GRIN3A: variants seen among roughly 807,000 people sequenced by gnomAD.
GRIN3A encodes glutamate receptor ionotropic, NMDA 3A.
In GRIN3A, 47 loss-of-function variants were observed where a neutral mutation model predicts 92.4. The ratio of observed to expected loss-of-function variants is 0.51; its 90% CI spans 0.40 to 0.65. The LOEUF (loss-of-function observed/expected upper bound fraction) is 0.65, where lower values mean the gene tolerates loss of function less well. Ranked by LOEUF, GRIN3A falls within the 30% of genes least tolerant of loss-of-function variation. The probability of loss-of-function intolerance (pLI) is 0.00; values close to 1 mark genes in which losing one functional copy is unlikely to be tolerated. For synonymous variants in GRIN3A, 527 were observed against 540.6 expected (o/e 0.97, Z 0.35); for missense variants, 1,324 against 1,393.1 (o/e 0.95, Z 0.79).
At chr9:101,641,489 A>G (rs1778301057) in intron 3 of GRIN3A, among the ~76,000 whole-genome samples, 1 of 152,164 alleles carries the variant, frequency 6.6e-6, no homozygotes, top group South Asian at 2.1e-4. Context: ...AGGGACATGG[A>G]TGAAACTGGA....
intron 4 of GRIN3A, among the ~76,000 whole-genome samples, chr9:101,626,416 G>A (rs59881611): frequency 2.0e-5 from 3 of 152,242 alleles, no homozygotes; most frequent in Non-Finnish European, 2.9e-5. Flanking sequence ...AATGCTAGGG[G>A]TTGTGCCTTG....
At chr9:101,655,432 A>T (rs1374425259) in intron 3 of GRIN3A, among the ~76,000 whole-genome samples, 1 of 151,946 alleles carries the variant, frequency 6.6e-6, no homozygotes, top group African/African-American at 2.4e-5. Context: ...TTGAACAGTA[A>T]TTAAGTGAGC....
chr9:101,732,448 G>C (rs1465322399), intron 1 of GRIN3A, among the ~76,000 whole-genome samples: 1 of 152,190 alleles, frequency 6.6e-6, no homozygotes, highest in Non-Finnish European at 1.5e-5. Context: ...TCTAGAAGCT[G>C]TGTTAGATGT....
rs1218507071 is a variant in GRIN3A at position 101,569,982 on chromosome 9, G to C, written c.*3192C>G. ...GAAGGGAAGCAGCAGCTCTTGATAG[G>C]GTTTGTGCAATAGCAAGATTCATGA... is the stretch of plus-strand genomic sequence containing the variant. On this transcript the variant is annotated 3_prime_UTR_variant, in exon 9 of 9. Coordinates refer to ENST00000361820, the MANE Select transcript of GRIN3A (RefSeq NM_133445.3). 2 of 152,120 alleles carry C rather than the reference G, an allele frequency of 1.3e-5. No individual in the cohort carries two copies. The highest frequency in any genetic ancestry group is 2.9e-5 in the Non-Finnish European group (2 of 68,086). 9.4% of individuals were successfully genotyped at this position (152,120 alleles called of 1,614,324 possible). A position where few individuals can be genotyped will look rare whatever the true frequency, so the allele number is the denominator to read the frequency against.
At chr9:101,598,397 A>AGTTG (rs1828167834) in intron 6 of GRIN3A, among the ~76,000 whole-genome samples, 1 of 152,156 alleles carries the variant, frequency 6.6e-6, no homozygotes, top group Non-Finnish European at 1.5e-5. Context: ...TTATTATCCC[A>AGTTG]ATTGAATTAA....
intron 1 of GRIN3A, among the ~76,000 whole-genome samples, chr9:101,698,485 T>C (rs954940823): frequency 1.3e-5 from 2 of 152,116 alleles, no homozygotes; most frequent in Non-Finnish European, 2.9e-5. Context: ...ATGAACATCA[T>C]AGCGTGCACT....
chr9:101,733,873 AT>A (rs1382641774), intron 1 of GRIN3A, among the ~76,000 whole-genome samples: 13 of 151,922 alleles, frequency 8.6e-5, no homozygotes, highest in Non-Finnish European at 1.5e-4. Flanking sequence ...TAATTAAAAA[AT>A]TTTTTTAAGA....
At chr9:101,651,430 G>A (rs572035552) in intron 3 of GRIN3A, among the ~76,000 whole-genome samples, 97 of 152,014 alleles carry the variant, frequency 6.4e-4, no homozygotes, top group East Asian at 2.3e-3. Context: ...TTAAAGAGTC[G>A]TCAGAGATAC....
intron 1 of GRIN3A, among the ~76,000 whole-genome samples, chr9:101,718,124 C>A (rs1258655731): frequency 2.0e-5 from 3 of 152,142 alleles, no homozygotes; most frequent in Non-Finnish European, 4.4e-5. Flanking sequence ...GAAAGTGGAC[C>A]ATTAATTCAG....
intron 5 of GRIN3A, among the ~76,000 whole-genome samples, chr9:101,615,220 T>G (rs1466738974): frequency 6.6e-6 from 1 of 150,402 alleles, no homozygotes; most frequent in Non-Finnish European, 1.5e-5. Flanking sequence ...AACCCTTTTT[T>G]TTTTTGCCTT....
At chr9:101,675,367 AATATTTAAT>A (rs1253139336) in intron 2 of GRIN3A, among the ~76,000 whole-genome samples, 1 of 152,014 alleles carries the variant, frequency 6.6e-6, no homozygotes, top group African/African-American at 2.4e-5. Flanking sequence ...AAGCAAGATC[AATATTTAAT>A]ATATTTAATA....
chr9:101,632,625 T>C (rs550970846), intron 3 of GRIN3A, among the ~76,000 whole-genome samples: 1 of 152,328 alleles, frequency 6.6e-6, no homozygotes, highest in South Asian at 2.1e-4. Flanking sequence ...CTTTAATTCA[T>C]TCAAAATGAT....
At chr9:101,598,290 C>T (rs1479943053) in intron 6 of GRIN3A, among the ~76,000 whole-genome samples, 3 of 152,104 alleles carry the variant, frequency 2.0e-5, no homozygotes, top group Non-Finnish European at 4.4e-5. Context: ...ATTCCCAGTG[C>T]TCAGTAACTA....
intron 6 of GRIN3A, among the ~76,000 whole-genome samples, chr9:101,608,560 C>A (rs1360234267): frequency 6.6e-6 from 1 of 152,102 alleles, no homozygotes; most frequent in Non-Finnish European, 1.5e-5. Context: ...AGCCCTGTAA[C>A]ATATATGGTG....
intron 3 of GRIN3A, among the ~76,000 whole-genome samples, chr9:101,630,190 GA>G (rs1828692893): frequency 6.6e-6 from 1 of 151,618 alleles, no homozygotes; most frequent in South Asian, 2.1e-4. Flanking sequence ...CAACAACAAT[GA>G]AAAAACTACT....
intron 1 of GRIN3A, among the ~76,000 whole-genome samples, chr9:101,691,235 G>A: frequency 6.6e-6 from 1 of 152,012 alleles, no homozygotes; most frequent in African/African-American, 2.4e-5. Flanking sequence ...CTCCTACCTT[G>A]AGCCATGACC....
chr9:101,669,762 GCTAT>G (rs67639989), intron 3 of GRIN3A, among the ~76,000 whole-genome samples: 50,535 of 151,634 alleles, frequency 0.33, 9,293 homozygotes, highest in Non-Finnish European at 0.41. Context: ...TGATAGGTGT[GCTAT>G]CTATCAGATG....
At chr9:101,688,641 G>A (rs1410836377) in intron 1 of GRIN3A, among the ~76,000 whole-genome samples, 1 of 152,096 alleles carries the variant, frequency 6.6e-6, no homozygotes, top group Non-Finnish European at 1.5e-5. Flanking sequence ...AAAAGGATTG[G>A]CCAGGCACGG....
intron 5 of GRIN3A, among the ~76,000 whole-genome samples, chr9:101,620,229 G>A (rs756506977): frequency 8.5e-5 from 13 of 152,134 alleles, no homozygotes; most frequent in Non-Finnish European, 1.6e-4. Flanking sequence ...GGTAGATTTG[G>A]TGCCTGGTGA....
Sources: allele counts gnomAD v4.1 joint callset (sites outside exome capture counted in the v4.1 genomes callset), GRCh38; gene constraint gnomAD v4.1.1; transcripts MANE v1.5; gene names NCBI Gene and HGNC (gene_info 2026-07-23, HGNC 2026-07-21).